Variants in MPP7 observed in about 807,000 individuals in gnomAD.
MPP7 encodes the protein MAGUK p55 scaffold protein 7, also known as MAGUK p55 subfamily member 7.
MPP7 carries 60 observed loss-of-function variants against 76.5 expected under a neutral mutation model. The observed-to-expected ratio is 0.78, with a 90% CI of 0.64 to 0.97. The LOEUF (loss-of-function observed/expected upper bound fraction) is 0.97. Among genes scored for constraint, MPP7 ranks in the 50% least tolerant of loss-of-function variants. The pLI, the probability that MPP7 is intolerant of heterozygous loss-of-function variation, is 0.00. For synonymous variants in MPP7, 237 were observed against 244.5 expected (o/e 0.97, Z 0.29); for missense variants, 641 against 694.0 (o/e 0.92, Z 0.86).
intron 3 of MPP7, among the ~76,000 whole-genome samples, chr10:28,174,172 C>G (rs1003079970): frequency 3.3e-5 from 5 of 152,190 alleles, no homozygotes; most frequent in African/African-American, 1.2e-4. Context: ...GGAACAGCAA[C>G]GACTGTCATA....
chr10:28,141,536 T>C (rs1192250108), intron 5 of MPP7, among the ~76,000 whole-genome samples: 1 of 152,146 alleles, frequency 6.6e-6, no homozygotes, highest in African/African-American at 2.4e-5. Flanking sequence ...AGAAACAACA[T>C]ACTTGTTAGA....
At chr10:28,322,805 T>G (rs998356427) in intron 2 of MPP7, among the ~76,000 whole-genome samples, 1 of 152,186 alleles carries the variant, frequency 6.6e-6, no homozygotes, top group African/African-American at 2.4e-5. Flanking sequence ...TGTTAAATTA[T>G]TGATAAGACC....
intron 11 of MPP7, among the ~76,000 whole-genome samples, chr10:28,094,260 G>A (rs1853457151): frequency 6.6e-6 from 1 of 151,734 alleles, no homozygotes; most frequent in South Asian, 2.1e-4. Flanking sequence ...TTAGTGCCTT[G>A]AACGATATTT....
intron 6 of MPP7, among the ~76,000 whole-genome samples, chr10:28,126,607 T>C (rs1835024461): frequency 1.3e-5 from 2 of 152,222 alleles, no homozygotes; most frequent in African/African-American, 4.8e-5. Flanking sequence ...AACCTCTATC[T>C]TCCCATAACC....
intron 1 of MPP7, among the ~76,000 whole-genome samples, chr10:28,281,140 T>TG (rs1840659872): frequency 6.6e-6 from 1 of 151,904 alleles, no homozygotes; most frequent in South Asian, 2.1e-4. Flanking sequence ...AATGCAGTGG[T>TG]GCAATCTCTG....
At chr10:28,249,054 C>T (rs768547591) in intron 1 of MPP7, among the ~76,000 whole-genome samples, 1 of 152,034 alleles carries the variant, frequency 6.6e-6, no homozygotes, top group Admixed American at 6.6e-5. Flanking sequence ...TAATATGTGG[C>T]TCCAAACATT....
chr10:28,065,606 G>A (rs944405216), intron 13 of MPP7, among the ~76,000 whole-genome samples: 7 of 152,098 alleles, frequency 4.6e-5, no homozygotes, highest in Non-Finnish European at 7.4e-5. Context: ...TACCAGTTAA[G>A]GCAAAATAGA....
intron 2 of MPP7, among the ~76,000 whole-genome samples, chr10:28,329,573 G>A (rs1834451461): frequency 7.0e-6 from 1 of 142,874 alleles, no homozygotes; most frequent in South Asian, 2.3e-4. Flanking sequence ...AGCTTGCAGA[G>A]AGCTGAGAGA....
At chr10:28,208,369 A>G (rs1368066717) in intron 2 of MPP7, among the ~76,000 whole-genome samples, 1 of 152,230 alleles carries the variant, frequency 6.6e-6, no homozygotes, top group Non-Finnish European at 1.5e-5. Flanking sequence ...GCAGGACTAA[A>G]AAGCCAGAAA....
chr10:28,094,989 C>A (rs1464968255), intron 11 of MPP7, among the ~76,000 whole-genome samples: 1 of 151,888 alleles, frequency 6.6e-6, no homozygotes, highest in East Asian at 1.9e-4. Context: ...AAAAATACAA[C>A]AGAAAGGTTT....
intron 11 of MPP7, among the ~76,000 whole-genome samples, chr10:28,115,723 C>A (rs1834647356): frequency 6.6e-6 from 1 of 152,128 alleles, no homozygotes; most frequent in African/African-American, 2.4e-5. Flanking sequence ...TGCTTAAATT[C>A]TTTTTTGCCT....
At chr10:28,115,595 A>G (rs1564637981) in intron 11 of MPP7, among the ~76,000 whole-genome samples, 1 of 152,232 alleles carries the variant, frequency 6.6e-6, no homozygotes, top group Non-Finnish European at 1.5e-5. Flanking sequence ...GAAGAAGCTT[A>G]CTCAACTTGA....
At chr10:28,200,984 T>A (rs1212007341) in intron 3 of MPP7, among the ~76,000 whole-genome samples, 3 of 152,172 alleles carry the variant, frequency 2.0e-5, no homozygotes, top group African/African-American at 7.2e-5. Flanking sequence ...TTAAAAATAT[T>A]TTTATGATTG....
At chr10:28,284,542 T>C (rs1164223870) in intron 1 of MPP7, among the ~76,000 whole-genome samples, 4 of 152,230 alleles carry the variant, frequency 2.6e-5, no homozygotes, top group Non-Finnish European at 5.9e-5. Context: ...ACCTCTTCAG[T>C]CTCATCTGAC....
intron 1 of MPP7, among the ~76,000 whole-genome samples, chr10:28,263,775 C>T (rs1397167582): frequency 6.6e-6 from 1 of 152,144 alleles, no homozygotes; most frequent in Non-Finnish European, 1.5e-5. Flanking sequence ...ACATCCGACA[C>T]ATGTGGGAAC....
rs116127140 is a variant in MPP7, at chr10:28,214,556, T to C, written c.38-12285A>G. 2.9e-3 allele frequency among the ~76,000 whole-genome samples: 438 copies of C among 152,284 alleles called. 1 individual carries two copies. Among genetic ancestry groups the C allele is most frequent in the African/African-American group, 9.7e-3 (405 of 41,558 alleles). On this transcript the variant is annotated intron_variant, in intron 2 of 16. Transcript: ENST00000683449. Reference sequence around the variant, plus strand: ...ACAAACACCGAGTGCTTACTATCTATGTGCCAGGCACTATGAAGGGCTGGA... The same window carrying C: ...ACAAACACCGAGTGCTTACTATCTACGTGCCAGGCACTATGAAGGGCTGGA...
At chr10:28,086,060 G>A (rs1316332317) in intron 12 of MPP7, among the ~76,000 whole-genome samples, 2 of 152,130 alleles carry the variant, frequency 1.3e-5, no homozygotes, top group African/African-American at 4.8e-5. Context: ...AACACCGCAT[G>A]TTCTCACTTA....
chr10:28,225,180 G>T (rs1428838899), intron 2 of MPP7, among the ~76,000 whole-genome samples: 1 of 152,020 alleles, frequency 6.6e-6, no homozygotes, highest in East Asian at 1.9e-4. Context: ...AGCTTAAAAT[G>T]GATCAACAAC....
intron 2 of MPP7, among the ~76,000 whole-genome samples, chr10:28,224,610 G>A (rs1564714641): frequency 6.6e-6 from 1 of 152,028 alleles, no homozygotes; most frequent in Non-Finnish European, 1.5e-5. Context: ...ATAAAGTTCT[G>A]ATCATTTTTG....
Sources: gnomAD v4.1 joint callset for allele counts (sites outside exome capture counted in the v4.1 genomes callset) on GRCh38, gnomAD v4.1.1 for gene constraint, MANE v1.5 for transcripts, NCBI Gene and HGNC (gene_info 2026-07-23, HGNC 2026-07-21) for gene names.